RBM19: variants seen among roughly 807,000 people sequenced by gnomAD.
RBM19 encodes the protein RNA binding motif protein 19, also known as probable RNA-binding protein 19.
In RBM19, 94 loss-of-function variants were observed where a neutral mutation model predicts 116.8. That is an observed-to-expected ratio of 0.80 (90% CI 0.68 to 0.95). RBM19 has a LOEUF of 0.95. RBM19 is among the 40% of genes least tolerant of loss of function. The pLI is 0.00. For synonymous variants in RBM19, 475 were observed against 494.1 expected (o/e 0.96, Z 0.51); for missense variants, 1,161 against 1,220.7 (o/e 0.95, Z 0.73).
intron 12 of RBM19, 93 bp downstream of exon 12, chr12:113,946,261 A>AG: frequency 6.5e-7 from 1 of 1,549,506 alleles, no homozygotes; most frequent in Non-Finnish European, 8.9e-7. Context: ...TAAACCCATC[A>AG]GGAGTCAGAA....
intron 21 of RBM19, among the ~76,000 whole-genome samples, chr12:113,882,323 C>T (rs754193978): frequency 5.3e-5 from 8 of 152,200 alleles, no homozygotes; most frequent in Non-Finnish European, 1.2e-4. Flanking sequence ...GCCTGTGGGG[C>T]TCAGTGACCT....
chr12:113,848,896 G>A (rs1215182007), intron 22 of RBM19, among the ~76,000 whole-genome samples: 1 of 152,100 alleles, frequency 6.6e-6, no homozygotes, highest in African/African-American at 2.4e-5. Context: ...TGGCATCGAA[G>A]GCCTTCTTAG....
Position 113,825,589 on chromosome 12 carries a change from C to T in RBM19, c.2786-2268G>A, listed in dbSNP as rs1383631943. 6.6e-6 allele frequency among the ~76,000 whole-genome samples: 1 copy of T among 152,176 alleles called. No homozygotes were observed. Among genetic ancestry groups the T allele is most frequent in the African/African-American group, 2.4e-5 (1 of 41,440 alleles). On this transcript the variant is annotated intron_variant, in intron 23 of 23. Coordinates refer to ENST00000261741, the MANE Select transcript of RBM19 (RefSeq NM_016196.4). This position sits in a 1 kb window ranked among gnomAD's most constrained non-coding sequence, Gnocchi z 5.7. The stretch of plus-strand genomic sequence containing the variant: ...TGGGGATGGCAGCTCACTCCTGGGG[C>T]AGGGTCCCTGCCTTCCTGGGCCAGG...
chr12:113,875,542 C>T (rs1476591878), intron 21 of RBM19, among the ~76,000 whole-genome samples: 1 of 152,100 alleles, frequency 6.6e-6, no homozygotes, highest in Non-Finnish European at 1.5e-5. Flanking sequence ...AGTCAGAGCA[C>T]GCAAATGTGA....
intron 18 of RBM19, among the ~76,000 whole-genome samples, chr12:113,921,506 C>T (rs1868555290): frequency 6.6e-6 from 1 of 152,172 alleles, no homozygotes. Flanking sequence ...AGGCTCTCTA[C>T]CTTTGGCTCA....
At chr12:113,891,908 T>C (rs779370545) in intron 21 of RBM19, among the ~76,000 whole-genome samples, 8 of 152,226 alleles carry the variant, frequency 5.3e-5, no homozygotes, top group Non-Finnish European at 1.2e-4. Context: ...CTCATTTCCC[T>C]GTAGAAAGCC....
rs1012052252 is a variant in RBM19, at chr12:113,952,565, G to C, written c.947C>G (p.Pro316Arg). 4 of 1,613,640 alleles carry C rather than the reference G, an allele frequency of 2.5e-6. No homozygotes were observed. In the African/African-American group the frequency reaches 5.3e-5, roughly 22 times the overall value. ...AATTCGAATGGCCACTGGTTTCAGG[G>C]GTGCCAGGAATTCCATAACATTTTT... is the stretch of plus-strand genomic sequence containing the variant. Reference protein sequence around the residue: ...TEKNVMEFLAPLKPVAIRIVR... With the variant: ...TEKNVMEFLARLKPVAIRIVR... The change falls in exon 8 of 24, where the codon CCC becomes CGC. Residue 316 changes from proline to arginine, a missense_variant. Coordinates refer to ENST00000261741, the MANE Select transcript of RBM19 (RefSeq NM_016196.4).
At position 113,907,520 on chromosome 12, in the gene RBM19, G is replaced by A. The variant is rs139592318; in HGVS notation, c.2558+7449C>T. On this transcript the variant is annotated intron_variant, in intron 21 of 23. Coordinates refer to ENST00000261741, the MANE Select transcript of RBM19 (RefSeq NM_016196.4). ...GTCCTTTCAAACCACAGCAAAGTAG[G>A]AAGAGTGGGAATATCCTGATAGGAA... Among the ~76,000 whole-genome samples, 41 of 152,358 alleles carry A rather than the reference G, an allele frequency of 2.7e-4. No individual in the cohort carries two copies. In the East Asian group the frequency reaches 6.7e-3, roughly 25 times the overall value.
At chr12:113,899,156 AC>A (rs1315269400) in intron 21 of RBM19, among the ~76,000 whole-genome samples, 13 of 152,216 alleles carry the variant, frequency 8.5e-5, no homozygotes, top group African/African-American at 3.1e-4. Context: ...AAACTCAGAG[AC>A]CATCACGTCG....
rs1324798881 is a variant in RBM19, at chr12:113,950,068, C to T, written c.1072+15G>A. ...GCTGTAACACAGAGAGAGCACATGGCCAGGGCTTCCTTACCCATGTACTCC... is the reference window on the plus strand; with the variant it reads ...GCTGTAACACAGAGAGAGCACATGGTCAGGGCTTCCTTACCCATGTACTCC... On this transcript the variant is annotated intron_variant, in intron 9 of 23. Transcript: ENST00000261741. The T allele has an allele frequency of 6.3e-7, 1 of 1,584,716 alleles. No individual in the cohort carries two copies. Among genetic ancestry groups the T allele is most frequent in the Non-Finnish European group, 8.7e-7 (1 of 1,154,036 alleles).
chr12:113,920,579 C>A, intron 19 of RBM19, 32 bp downstream of exon 19: 1 of 1,593,600 alleles, frequency 6.3e-7, no homozygotes, highest in South Asian at 1.1e-5. Flanking sequence ...CCAAGTGCCT[C>A]CGTGGCCCTC....
intron 16 of RBM19, 155 bp downstream of exon 16, chr12:113,936,852 G>A: frequency 2.1e-6 from 2 of 968,366 alleles, no homozygotes; most frequent in Non-Finnish European, 3.0e-6. Flanking sequence ...TACAGGACAT[G>A]CCCATAAAAT....
chr12:113,831,248 T>C (rs1381436539), intron 23 of RBM19, among the ~76,000 whole-genome samples: 1 of 152,188 alleles, frequency 6.6e-6, no homozygotes, highest in Non-Finnish European at 1.5e-5. Flanking sequence ...CTTGCCAGTG[T>C]GGTCTCTGCT....
At chr12:113,835,461 T>C (rs538584179) in intron 23 of RBM19, among the ~76,000 whole-genome samples, 178 of 152,086 alleles carry the variant, frequency 1.2e-3, no homozygotes, top group African/African-American at 4.0e-3. Context: ...GGGAGGGGCA[T>C]GACAAGGGAA....
At chr12:113,892,388 T>C (rs755260941) in intron 21 of RBM19, among the ~76,000 whole-genome samples, 7 of 152,122 alleles carry the variant, frequency 4.6e-5, no homozygotes, top group Non-Finnish European at 8.8e-5. Flanking sequence ...AGGATTGCTA[T>C]TGTTGCCCAG....
chr12:113,955,184 G>A lies in RBM19; in HGVS notation c.868C>T (p.Pro290Ser). ...ETEKPANQKE[P>S]TTCHTVKLRG... ...AGCTTCACGGTGTGGCAGGTGGTGGGTTCCTTCTGGTTTGCTGGTTTCTCT... is the reference window on the plus strand; with the variant it reads ...AGCTTCACGGTGTGGCAGGTGGTGGATTCCTTCTGGTTTGCTGGTTTCTCT... The change falls in exon 7 of 24, where the codon CCC becomes TCC. Residue 290 changes from proline (P) to serine (S), a missense_variant. Coordinates refer to ENST00000261741, the MANE Select transcript of RBM19 (RefSeq NM_016196.4). 2 of 1,614,162 alleles carry A rather than the reference G, an allele frequency of 1.2e-6. No homozygotes were observed. The highest frequency in any genetic ancestry group is 1.7e-6 in the Non-Finnish European group (2 of 1,180,028).
At position 113,960,040 on chromosome 12, in the gene RBM19, A is replaced by G; in HGVS notation, c.339+19T>C. On this transcript the variant is annotated intron_variant, in intron 3 of 23. Coordinates refer to ENST00000261741, the MANE Select transcript of RBM19 (RefSeq NM_016196.4). ...CCTGCTGGCAGTGGGGACAGAGGCT[A>G]GAGTGACCCTTTACATACTTTCTTA... 6.2e-7 allele frequency: 1 copy of G among 1,614,204 alleles called. No homozygotes were observed. The highest frequency in any genetic ancestry group is 8.5e-7 in the Non-Finnish European group (1 of 1,180,014).
At chr12:113,866,869 G>T (rs1206256515) in intron 21 of RBM19, among the ~76,000 whole-genome samples, 1 of 152,220 alleles carries the variant, frequency 6.6e-6, no homozygotes, top group Admixed American at 6.5e-5. Flanking sequence ...TTTAAGAAAT[G>T]AGATTTTAAA....
intron 21 of RBM19, among the ~76,000 whole-genome samples, chr12:113,876,464 C>T (rs564486140): frequency 6.6e-6 from 1 of 152,264 alleles, no homozygotes; most frequent in South Asian, 2.1e-4. Context: ...TGGCAATGAA[C>T]ACAGAGCTGG....
Sources: allele counts gnomAD v4.1 joint callset (sites outside exome capture counted in the v4.1 genomes callset), GRCh38; gene constraint gnomAD v4.1.1; non-coding constraint Gnocchi (gnomAD v3.1); transcripts MANE v1.5; gene names NCBI Gene and HGNC (gene_info 2026-07-23, HGNC 2026-07-21).